The following AP5Z1 variants were observed in gnomAD, a reference collection of about 807,000 sequenced individuals.
AP5Z1 encodes the protein AP-5 complex subunit zeta-1.
A neutral mutation model predicts 83.0 loss-of-function variants in AP5Z1; 106 were observed. That is an observed-to-expected ratio of 1.28 (90% CI 1.09 to 1.50). The LOEUF is 1.50. AP5Z1 is among the 40% of genes most tolerant of loss of function. The pLI is 0.00. For synonymous variants in AP5Z1, 751 were observed against 514.1 expected (o/e 1.46, Z -6.23); for missense variants, 1,565 against 1,094.2 (o/e 1.43, Z -6.07).
intron 1 of AP5Z1, among the ~76,000 whole-genome samples, chr7:4,779,836 G>A (rs921689220): frequency 7.2e-5 from 11 of 151,968 alleles, no homozygotes; most frequent in African/African-American, 2.4e-4. Context: ...TAGAAACGGG[G>A]TTTCTCCATG....
At chr7:4,781,903 G>A (rs1781393322) in intron 3 of AP5Z1, 149 bp downstream of exon 3, 2 of 1,005,430 alleles carry the variant, frequency 2.0e-6, no homozygotes, top group Non-Finnish European at 1.4e-6. Context: ...TGAGGCTGGG[G>A]CATGCCCTGT....
At position 4,792,478 on chromosome 7, in the gene AP5Z1, G is replaced by A. The variant is rs1781815534; in HGVS notation, c.*1093G>A. The A allele has an allele frequency of 2.6e-5, 4 of 152,374 alleles. No homozygotes were observed. Among genetic ancestry groups the A allele is most frequent in the Admixed American group, 1.3e-4 (2 of 15,292 alleles). 9.4% of individuals were successfully genotyped at this position (152,374 alleles called of 1,614,324 possible). A position where few individuals can be genotyped will look rare whatever the true frequency, so the allele number is the denominator to read the frequency against. The stretch of plus-strand genomic sequence containing the variant: ...TTGCCCAGCCTCAGGACTATGGAGG[G>A]GGCGAGTGACGCGCAAGGAACGGAG... On this transcript the variant is annotated 3_prime_UTR_variant, in exon 17 of 17. Transcript: ENST00000649063.
chr7:4,789,909 G>A lies in AP5Z1; in HGVS notation c.1785G>A (p.Gly595=). Residue 595 remains glycine, a synonymous_variant, in exon 14 of 17, where the codon GGG becomes GGA. Transcript: ENST00000649063. ...GCGACTCGCTCTACCCGGCCCCAGG[G>A]TACGCTGCCGGTGTGCACAGGTAGG... The part of the protein sequence containing the change: ...GRSDSLYPAP[G]YAAGVHSVLS... The A allele has an allele frequency of 1.9e-6, 3 of 1,548,554 alleles. No homozygotes were observed. The highest frequency in any genetic ancestry group is 2.6e-6 in the Non-Finnish European group (3 of 1,146,194).
chr7:4,784,284 G>T lies in AP5Z1; in HGVS notation c.703G>T (p.Asp235Tyr), dbSNP rs760503818. The change falls in exon 6 of 17, where the codon GAC (aspartate) becomes TAC (tyrosine). Residue 235 changes from aspartate (D) to tyrosine (Y), a missense_variant. Transcript: ENST00000649063. ...CTCCAGCGGCCACCGCTTCACAGAC[G>T]ACCAGTGGCTGAACGTGCAGGCCTT... is the stretch of plus-strand genomic sequence containing the variant. ...VLSSGHRFTD[D>Y]QWLNVQAFSM... 6.2e-7 allele frequency: 1 copy of T among 1,600,022 alleles called. No homozygotes were observed. Among genetic ancestry groups the T allele is most frequent in the South Asian group, 1.1e-5 (1 of 88,896 alleles).
chr7:4,787,632 A>C lies in AP5Z1; in HGVS notation c.1312-2A>C, dbSNP rs989538601. Reference sequence around the variant, plus strand: ...GTCCGAACCGCTGTGCTGTGCCCACAGTTCCTGGCCTGGAACAGCCCACCC... The same window carrying C: ...GTCCGAACCGCTGTGCTGTGCCCACCGTTCCTGGCCTGGAACAGCCCACCC... On this transcript the variant is annotated splice_acceptor_variant, in intron 10 of 16. Transcript: ENST00000649063. LOFTEE classifies it high-confidence loss of function. The C allele has an allele frequency of 5.2e-6, 8 of 1,551,120 alleles. No homozygotes were observed. Among genetic ancestry groups the C allele is most frequent in the Non-Finnish European group, 7.0e-6 (8 of 1,148,020 alleles).
At position 4,784,894 on chromosome 7, in the gene AP5Z1, C is replaced by T; in HGVS notation, c.791-14C>T. 6.2e-7 allele frequency: 1 copy of T among 1,604,490 alleles called. No homozygotes were observed. Among genetic ancestry groups the T allele is most frequent in the Non-Finnish European group, 8.5e-7 (1 of 1,174,106 alleles). ...GCCACACGTCAGCCTGCTGAGAGTT[C>T]CCACCTCCCGCAGATGACAGGTCAG... On this transcript the variant is annotated splice_polypyrimidine_tract_variant and intron_variant, in intron 6 of 16. Coordinates refer to ENST00000649063, the MANE Select transcript of AP5Z1 (RefSeq NM_014855.3).
At chr7:4,784,638 A>C (rs1407959513) in intron 6 of AP5Z1, among the ~76,000 whole-genome samples, 1 of 152,220 alleles carries the variant, frequency 6.6e-6, no homozygotes, top group East Asian at 1.9e-4. Context: ...CTCCCACTTA[A>C]GGCAGGCACC....
intron 1 of AP5Z1, 32 bp from the exon 2 acceptor site, chr7:4,781,143 T>C (rs1781370012): frequency 1.2e-6 from 2 of 1,606,250 alleles, no homozygotes; most frequent in Non-Finnish European, 8.5e-7. Context: ...CAGCGAGTGC[T>C]TCTGGGTCCT....
At chr7:4,783,922 C>G in intron 5 of AP5Z1, 124 bp downstream of exon 5, 1 of 1,100,462 alleles carries the variant, frequency 9.1e-7, no homozygotes, top group Non-Finnish European at 1.3e-6. Context: ...GAGCCTGCCT[C>G]TGCTGCGGGG....
intron 12 of AP5Z1, 105 bp from the exon 13 acceptor site, chr7:4,788,735 G>A (rs964623336): frequency 1.0e-6 from 1 of 1,002,244 alleles, no homozygotes; most frequent in Non-Finnish European, 1.4e-6. Flanking sequence ...GAGTGAGGAT[G>A]GGAGCGGGCT....
At position 4,783,427 on chromosome 7, in the gene AP5Z1, G is replaced by A. The variant is rs752115827; in HGVS notation, c.478G>A (p.Val160Ile). 2.5e-5 allele frequency: 40 copies of A among 1,612,832 alleles called. No homozygotes were observed. In the South Asian group the frequency reaches 2.6e-4, roughly 11 times the overall value. ...LRHLLPVMAK[V>I]VVLSPGTLQE... ...ACACCTCCTCCCCGTCATGGCCAAG[G>A]TCGTGGTCCTCAGCCCGGGCACCCT... Residue 160 changes from valine to isoleucine, a missense_variant, in exon 4 of 17, where the codon GTC becomes ATC. Transcript: ENST00000649063.
chr7:4,777,118 C>T (rs1224998120), intron 1 of AP5Z1, among the ~76,000 whole-genome samples: 2 of 152,110 alleles, frequency 1.3e-5, no homozygotes, highest in Non-Finnish European at 2.9e-5. Flanking sequence ...TATGCAGCAC[C>T]ATCTCCCAGC....
intron 7 of AP5Z1, 150 bp from the exon 8 acceptor site, chr7:4,785,265 C>A: frequency 3.9e-6 from 5 of 1,286,606 alleles, no homozygotes; most frequent in Non-Finnish European, 4.2e-6. Flanking sequence ...CACCTGGGCC[C>A]CTCGCCTCAG....
At chr7:4,790,026 C>A (rs1319093312) in intron 14 of AP5Z1, 97 bp downstream of exon 14, 3 of 1,121,790 alleles carry the variant, frequency 2.7e-6, no homozygotes, top group Non-Finnish European at 3.6e-6. Context: ...GCTTCGGCAC[C>A]ACCCCTAGCT....
chr7:4,779,237 CAT>C lies in AP5Z1; in HGVS notation c.42-1932_42-1931del, dbSNP rs966568991. ...TATGTATAACATATATTAGATATAA[CAT>C]ATATAACATTAGAAATAATGTATAT... On this transcript the variant is annotated intron_variant, in intron 1 of 16. Transcript: ENST00000649063. 1.1e-3 allele frequency among the ~76,000 whole-genome samples: 164 copies of C among 145,500 alleles called. 1 individual carries two copies. Among genetic ancestry groups the C allele is most frequent in the African/African-American group, 2.7e-3 (109 of 39,692 alleles).
chr7:4,776,113 A>T (rs1372561796), intron 1 of AP5Z1, among the ~76,000 whole-genome samples: 1 of 151,932 alleles, frequency 6.6e-6, no homozygotes, highest in African/African-American at 2.4e-5. Context: ...AAGAACGCAA[A>T]GTCACAGTGT....
chr7:4,779,685 A>C (rs145112745), intron 1 of AP5Z1, among the ~76,000 whole-genome samples: 2,424 of 151,572 alleles, frequency 0.016, 33 homozygotes, highest in Middle Eastern at 0.051. Context: ...TCGTTGCCCA[A>C]GCTGGGGTGC....
Position 4,789,945 on chromosome 7 carries a change from G to GCTCCTGCC in AP5Z1, c.1805+17_1805+24dup. 3 of 1,517,974 alleles carry GCTCCTGCC rather than the reference G, an allele frequency of 2.0e-6. No homozygotes were observed. The highest frequency in any genetic ancestry group is 2.7e-6 in the Non-Finnish European group (3 of 1,127,352). 94.0% of individuals were successfully genotyped at this position (1,517,974 alleles called of 1,614,324 possible). A position where few individuals can be genotyped will look rare whatever the true frequency, so the allele number is the denominator to read the frequency against. ...GTGTGCACAGGTAGGTCCCTCCTGC[G>GCTCCTGCC]CTCCTGCCACAGCCCTGGGCGGGTG... On this transcript the variant is annotated intron_variant, in intron 14 of 16. Coordinates refer to ENST00000649063, the MANE Select transcript of AP5Z1 (RefSeq NM_014855.3).
chr7:4,785,489 C>T (rs1418800364), intron 8 of AP5Z1, 33 bp from the exon 9 acceptor site: 1 of 1,613,104 alleles, frequency 6.2e-7, no homozygotes, highest in African/African-American at 1.3e-5. Context: ...GAGGCAGCGA[C>T]TCGGCCCATT....
Sources: gnomAD v4.1 joint callset for allele counts (sites outside exome capture counted in the v4.1 genomes callset) on GRCh38, gnomAD v4.1.1 for gene constraint, MANE v1.5 for transcripts, NCBI Gene and HGNC (gene_info 2026-07-23, HGNC 2026-07-21) for gene names.